CCDC57: variants seen among roughly 807,000 people sequenced by gnomAD.
The protein encoded by CCDC57 is coiled-coil domain-containing protein 57.
CCDC57 carries 118 observed loss-of-function variants against 118.9 expected under a neutral mutation model. The ratio of observed to expected loss-of-function variants is 0.99; its 90% CI spans 0.86 to 1.16. The LOEUF is 1.16. Ranked by LOEUF, CCDC57 falls within the 50% of genes most tolerant of loss-of-function variation. The pLI, the probability that CCDC57 is intolerant of heterozygous loss-of-function variation, is 0.00. For missense variants in CCDC57, 1,300 were observed against 1,320.7 expected (o/e 0.98, Z 0.24); for synonymous variants, 527 against 532.9 (o/e 0.99, Z 0.15).
exon 9 of CCDC57, chr17:82,183,921 T>A: frequency 3.7e-6 from 6 of 1,613,434 alleles, no homozygotes; most frequent in Non-Finnish European, 5.1e-6. Context: ...AGTTGATGCA[T>A]CTTCACGAAG....
rs542161909 is a variant in CCDC57 at position 82,209,116 on chromosome 17, G to C, written c.-210-1068C>G. Among the ~76,000 whole-genome samples, 9 of 152,232 alleles carry C rather than the reference G, an allele frequency of 5.9e-5. No homozygotes were observed. The East Asian group carries it at 1.7e-3, about 29-fold the overall frequency. ...TTCACTTCCTCCACTGACTGCCGAAGAGTAGCCACAGCCATTTCTAAAACT... is the reference window on the plus strand; with the variant it reads ...TTCACTTCCTCCACTGACTGCCGAACAGTAGCCACAGCCATTTCTAAAACT... On this transcript the variant is annotated intron_variant, in intron 1 of 19. Transcript: ENST00000665763.
intron 13 of CCDC57, 63 bp from the exon 13 acceptor site, chr17:82,163,420 GAC>G (rs1011495358): frequency 8.6e-5 from 136 of 1,579,526 alleles, no homozygotes; most frequent in Non-Finnish European, 1.3e-5. Flanking sequence ...TTTCTGGGGA[GAC>G]ACACATCTCT....
rs1341480514 is a variant in CCDC57, at chr17:82,212,736, G to GCGCCCCCCA, written c.-211+40_-211+48dup. 1.1e-5 allele frequency: 1 copy of GCGCCCCCCA among 92,452 alleles called. No individual in the cohort carries two copies. 5.7% of individuals were successfully genotyped at this position (92,452 alleles called of 1,614,324 possible). A position where few individuals can be genotyped will look rare whatever the true frequency, so the allele number is the denominator to read the frequency against. On this transcript the variant is annotated intron_variant, in intron 1 of 19. Transcript: ENST00000665763. The surrounding 1 kb of genome is among the most constrained non-coding windows in gnomAD (Gnocchi z 4.1). ...TTCTACAGGAAGAGTGGTCGGAGCG[G>GCGCCCCCCA]CGCCCCCCACGCCTCCCACGCCTCC...
intron 8 of CCDC57, among the ~76,000 whole-genome samples, chr17:82,187,663 G>A (rs1351287470): frequency 1.6e-5 from 1 of 62,508 alleles, no homozygotes; most frequent in Non-Finnish European, 3.1e-5. Context: ...AGGGCTCGGC[G>A]CGGGGGAAGC....
intron 16 of CCDC57, among the ~76,000 whole-genome samples, chr17:82,149,595 C>G (rs527739310): frequency 6.6e-6 from 1 of 152,114 alleles, no homozygotes; most frequent in Non-Finnish European, 1.5e-5. Flanking sequence ...CCAGAGCGCC[C>G]GCAGCTAAGA....
At chr17:82,179,252 G>A in intron 9 of CCDC57, 63 bp from the exon 9 acceptor site, 3 of 1,547,352 alleles carry the variant, frequency 1.9e-6, no homozygotes, top group Non-Finnish European at 2.6e-6. Flanking sequence ...AGGAAAAGCA[G>A]AGGCACGATG....
intron 19 of CCDC57, among the ~76,000 whole-genome samples, chr17:82,122,092 C>G (rs7219180): frequency 0.54 from 81,362 of 151,900 alleles, 22,633 homozygotes; most frequent in Non-Finnish European, 0.58. Flanking sequence ...TTCACTCTCT[C>G]CCGGATCTGC....
intron 16 of CCDC57, among the ~76,000 whole-genome samples, chr17:82,147,224 G>C (rs28676462): frequency 0.47 from 69,519 of 148,756 alleles, 16,839 homozygotes; most frequent in East Asian, 0.88. Context: ...ATGGGTAGGT[G>C]GATGGATGGA....
intron 13 of CCDC57, among the ~76,000 whole-genome samples, chr17:82,171,459 G>T: frequency 6.7e-6 from 1 of 149,812 alleles, no homozygotes; most frequent in Non-Finnish European, 1.5e-5. Flanking sequence ...AGGAGCCAGG[G>T]CACGTGGGCT....
intron 1 of CCDC57, among the ~76,000 whole-genome samples, chr17:82,209,051 C>G (rs1196406138): frequency 6.6e-6 from 1 of 152,122 alleles, no homozygotes; most frequent in Non-Finnish European, 1.5e-5. Flanking sequence ...TAAATAGGTC[C>G]AGGGGACAAA....
intron 14 of CCDC57, chr17:82,160,499 A>G (rs1238638272): frequency 6.5e-6 from 1 of 152,892 alleles, no homozygotes; most frequent in Non-Finnish European, 1.5e-5. Flanking sequence ...GGCCAGGTGC[A>G]GTGGCTCATA....
chr17:82,159,694 C>T (rs1402807587), intron 14 of CCDC57, among the ~76,000 whole-genome samples: 6 of 145,344 alleles, frequency 4.1e-5, no homozygotes, highest in South Asian at 2.2e-4. Flanking sequence ...TTTTTTGAGA[C>T]GGAGTCTTGC....
intron 2 of CCDC57, among the ~76,000 whole-genome samples, chr17:82,206,345 TCA>T (rs1030346465): frequency 3.0e-4 from 46 of 152,374 alleles, no homozygotes; most frequent in African/African-American, 1.1e-3. Context: ...CTCTCACACG[TCA>T]CAGTCTTTTG....
At chr17:82,188,936 C>T (rs561834460) in intron 7 of CCDC57, among the ~76,000 whole-genome samples, 1 of 152,334 alleles carries the variant, frequency 6.6e-6, no homozygotes, top group East Asian at 1.9e-4. Flanking sequence ...TTATAGGCCA[C>T]ACCACTTTGC....
intron 14 of CCDC57, among the ~76,000 whole-genome samples, chr17:82,161,168 C>T (rs2043283859): frequency 6.6e-6 from 1 of 152,164 alleles, no homozygotes; most frequent in Non-Finnish European, 1.5e-5. Flanking sequence ...CCACTTCACT[C>T]CCACCAGGAT....
chr17:82,159,979 T>C (rs2043124415), intron 14 of CCDC57: 2 of 151,088 alleles, frequency 1.3e-5, no homozygotes, highest in South Asian at 2.1e-4. Context: ...ATATTTGCCA[T>C]TTTCAATCAA....
At chr17:82,136,120 G>A (rs771468268) in intron 16 of CCDC57, among the ~76,000 whole-genome samples, 2 of 152,072 alleles carry the variant, frequency 1.3e-5, no homozygotes, top group African/African-American at 4.8e-5. Flanking sequence ...CCACTTCTAG[G>A]GAGGCATCCA....
At chr17:82,126,957 A>G in intron 19 of CCDC57, 3 of 985,296 alleles carry the variant, frequency 3.0e-6, no homozygotes, top group Non-Finnish European at 3.6e-6. Context: ...CCCCAACCAC[A>G]TCACACGTCC....
At chr17:82,188,894 T>C (rs1262382322) in intron 7 of CCDC57, among the ~76,000 whole-genome samples, 2 of 152,140 alleles carry the variant, frequency 1.3e-5, no homozygotes, top group East Asian at 3.8e-4. Context: ...ACTCAAGCAA[T>C]CCTCTCACCT....
Sources: gnomAD v4.1 joint callset for allele counts (sites outside exome capture counted in the v4.1 genomes callset) on GRCh38, gnomAD v4.1.1 for gene constraint, Gnocchi (gnomAD v3.1) non-coding constraint, MANE v1.5 for transcripts, NCBI Gene and HGNC (gene_info 2026-07-23, HGNC 2026-07-21) for gene names.